The following ANK1 variants were observed in gnomAD, a reference collection of about 807,000 sequenced individuals.
The protein encoded by ANK1 is ankyrin 1, also known as ankyrin-1.
A neutral mutation model predicts 210.4 loss-of-function variants in ANK1; 51 were observed. The ratio of observed to expected loss-of-function variants is 0.24; its 90% confidence interval spans 0.19 to 0.31. The LOEUF (loss-of-function observed/expected upper bound fraction) is 0.31. Ranked by LOEUF, ANK1 falls within the 10% of genes least tolerant of loss-of-function variation. The pLI is 1.00. For synonymous variants in ANK1, 967 were observed against 1,025.9 expected, an observed-to-expected ratio of 0.94 and a Z score of 1.10; for missense variants, 2,051 against 2,504.4, an observed-to-expected ratio of 0.82 and a Z score of 3.86.
intron 33 of ANK1, among the ~76,000 whole-genome samples, chr8:41,689,404 A>G (rs1818643917): frequency 6.6e-6 from 1 of 151,990 alleles, no homozygotes; most frequent in African/African-American, 2.4e-5. Context: ...CTGGGGTTAC[A>G]GGCATGAGCC....
chr8:41,733,172 T>C (rs895502301), intron 3 of ANK1, among the ~76,000 whole-genome samples: 1 of 152,260 alleles, frequency 6.6e-6, no homozygotes, highest in African/African-American at 2.4e-5. Context: ...GTTGAGTCAC[T>C]GGTATTTATA....
intron 1 of ANK1, among the ~76,000 whole-genome samples, chr8:41,831,134 C>T (rs1806526448): frequency 6.6e-6 from 1 of 152,168 alleles, no homozygotes; most frequent in African/African-American, 2.4e-5. Context: ...ACCTTGACGA[C>T]GACCTTCCTT....
At chr8:41,827,644 A>C (rs1270713841) in intron 1 of ANK1, among the ~76,000 whole-genome samples, 2 of 151,788 alleles carry the variant, frequency 1.3e-5, no homozygotes, top group African/African-American at 4.8e-5. Context: ...ACACACACAC[A>C]CTCGAATACC....
At chr8:41,667,414 G>A (rs536131999) in intron 39 of ANK1, among the ~76,000 whole-genome samples, 8 of 152,258 alleles carry the variant, frequency 5.3e-5, no homozygotes, top group African/African-American at 7.2e-5. Context: ...CTAAACACAC[G>A]CATGTGGAGA....
intron 26 of ANK1, among the ~76,000 whole-genome samples, chr8:41,696,082 G>T (rs1307916733): frequency 6.6e-6 from 1 of 152,228 alleles, no homozygotes; most frequent in Non-Finnish European, 1.5e-5. Context: ...CAACGACGGG[G>T]TCTTGCTATG....
chr8:41,687,303 T>C (rs1298882521), intron 35 of ANK1, among the ~76,000 whole-genome samples: 1 of 152,252 alleles, frequency 6.6e-6, no homozygotes, highest in African/African-American at 2.4e-5. Context: ...CTCTTCTTTG[T>C]TGCTCAAAGC....
chr8:41,668,574 A>C lies in ANK1; in HGVS notation c.5097-10T>G, dbSNP rs971892118. 9.9e-6 allele frequency: 16 copies of C among 1,608,768 alleles called. No individual in the cohort carries two copies. The highest frequency in any genetic ancestry group is 1.4e-5 in the Non-Finnish European group (16 of 1,175,720). Reference sequence around the variant, plus strand: ...ATCCCAGTCCTGCAGTCTGGGGTCCAGAAGAAGCAGCAGATGGCCGGCCGG... The same window carrying C: ...ATCCCAGTCCTGCAGTCTGGGGTCCCGAAGAAGCAGCAGATGGCCGGCCGG... On this transcript the variant is annotated splice_polypyrimidine_tract_variant and intron_variant, in intron 38 of 42. Coordinates refer to ENST00000289734, the MANE Select transcript of ANK1 (RefSeq NM_000037.4).
intron 39 of ANK1, among the ~76,000 whole-genome samples, chr8:41,668,058 A>T: frequency 6.6e-6 from 1 of 152,254 alleles, no homozygotes; most frequent in East Asian, 1.9e-4. Flanking sequence ...GCAGCTGCCC[A>T]ACAGGTACAG....
chr8:41,883,074 G>A (rs898485161), intron 1 of ANK1, among the ~76,000 whole-genome samples: 3 of 152,234 alleles, frequency 2.0e-5, no homozygotes, highest in Admixed American at 6.5e-5. Flanking sequence ...CAGGCTCAGC[G>A]AGAGACAGAG....
rs1322999729 is a variant in ANK1 at position 41,715,941 on chromosome 8, AG to A, written c.1405-93del. The A allele has an allele frequency of 6.8e-6, 10 of 1,469,034 alleles. No individual in the cohort carries two copies. In the Admixed American group the frequency reaches 1.7e-4, roughly 25 times the overall value. The allele number at this position is 1,469,034 out of a possible 1,614,324, so 91.0% of individuals were successfully genotyped here. A position where few individuals can be genotyped will look rare whatever the true frequency, so the allele number is the denominator to read the frequency against. On this transcript the variant is annotated intron_variant, in intron 13 of 42. Coordinates refer to ENST00000289734, the MANE Select transcript of ANK1 (RefSeq NM_000037.4). ...CAGAGAAGCAAGGCAGGGCCCAGAG[AG>A]GGCAAGTGACCTTCTCAAGGTCACA...
intron 26 of ANK1, among the ~76,000 whole-genome samples, chr8:41,695,641 C>T (rs139956544): frequency 1.3e-5 from 2 of 152,398 alleles, no homozygotes; most frequent in African/African-American, 4.8e-5. Flanking sequence ...ATCCACCTGA[C>T]ATCCCTAGAC....
chr8:41,890,640 C>A (rs368698622), intron 1 of ANK1, among the ~76,000 whole-genome samples: 4 of 141,772 alleles, frequency 2.8e-5, no homozygotes, highest in Non-Finnish European at 6.0e-5. Context: ...ACCCAGGAGG[C>A]GGAGGTTGCA....
At chr8:41,686,374 TG>T in intron 35 of ANK1, 91 bp from the exon 36 acceptor site, 2 of 1,551,218 alleles carry the variant, frequency 1.3e-6, no homozygotes, top group Non-Finnish European at 8.9e-7. Flanking sequence ...CACTGGGGCG[TG>T]GGGGGACCCA....
chr8:41,682,617 A>T (rs1467888658), intron 37 of ANK1, among the ~76,000 whole-genome samples: 1 of 152,236 alleles, frequency 6.6e-6, no homozygotes, highest in Non-Finnish European at 1.5e-5. Context: ...CCACACAGGA[A>T]TTGAGAACCA....
chr8:41,754,465 T>C (rs1365837012), intron 2 of ANK1, among the ~76,000 whole-genome samples: 3 of 152,192 alleles, frequency 2.0e-5, no homozygotes, highest in Non-Finnish European at 4.4e-5. Flanking sequence ...CTTAGAGTAA[T>C]TACTTCCTAT....
chr8:41,658,846 T>C (rs1394758230), intron 42 of ANK1, among the ~76,000 whole-genome samples: 1 of 152,170 alleles, frequency 6.6e-6, no homozygotes, highest in Admixed American at 6.5e-5. Flanking sequence ...TGAGCCGAGA[T>C]AGTGCCACTG....
intron 1 of ANK1, among the ~76,000 whole-genome samples, chr8:41,836,252 C>G (rs1038035264): frequency 3.9e-5 from 6 of 152,266 alleles, no homozygotes; most frequent in African/African-American, 1.4e-4. Context: ...CTGCCGACTG[C>G]TCAGTATTTT....
rs138945395 is a variant in ANK1 at position 41,836,038 on chromosome 8, G to A, written c.126+60317C>T. Among the ~76,000 whole-genome samples the A allele has an allele frequency of 5.0e-3, 756 of 152,308 alleles. 30 individuals are homozygous for A. The highest frequency in any genetic ancestry group is 0.044 in the Admixed American group (674 of 15,300). On this transcript the variant is annotated intron_variant, in intron 1 of 42. Transcript: ENST00000265709. ...TGGTCTGCAAGCCTCTCTCTGGGCC[G>A]TGTCCAGCACAGATGTTCAGGTCGG... is the stretch of plus-strand genomic sequence containing the variant.
At chr8:41,722,016 G>T (rs532110456) in intron 9 of ANK1, among the ~76,000 whole-genome samples, 21 of 152,204 alleles carry the variant, frequency 1.4e-4, no homozygotes, top group Admixed American at 2.6e-4. Context: ...TAATTTAACT[G>T]ATAGTAGCAA....
Sources: gnomAD v4.1 joint callset for allele counts (sites outside exome capture counted in the v4.1 genomes callset) on GRCh38, gnomAD v4.1.1 for gene constraint, MANE v1.5 for transcripts, NCBI Gene and HGNC (gene_info 2026-07-23, HGNC 2026-07-21) for gene names.